FGF12: variants seen among roughly 807,000 people sequenced by gnomAD.
FGF12 encodes fibroblast growth factor 12, also known as fibroblast growth factor 12B.
Under a neutral mutation model 23.6 loss-of-function variants are expected in FGF12, and 14 were observed. The ratio of observed to expected loss-of-function variants is 0.59; its 90% CI spans 0.39 to 0.93. The LOEUF (loss-of-function observed/expected upper bound fraction) is 0.93, where lower values mean the gene tolerates loss of function less well. Ranked by LOEUF, FGF12 falls within the 40% of genes least tolerant of loss-of-function variation. The pLI is 0.00. For missense variants in FGF12, 175 were observed against 217.8 expected (o/e 0.80, Z 1.24); for synonymous variants, 62 against 77.3 (o/e 0.80, Z 1.04).
At chr3:192,458,694 C>A (rs1001299645) in intron 2 of FGF12, among the ~76,000 whole-genome samples, 2 of 152,098 alleles carry the variant, frequency 1.3e-5, no homozygotes, top group African/African-American at 4.8e-5. Flanking sequence ...AGACTTTGGA[C>A]TGTGGACTTT....
chr3:192,349,484 T>G (rs1415598189), intron 3 of FGF12, among the ~76,000 whole-genome samples: 1 of 152,060 alleles, frequency 6.6e-6, no homozygotes, highest in Admixed American at 6.6e-5. Flanking sequence ...ATGTTTAAAT[T>G]TATACTGCTG....
At chr3:192,339,110 G>A (rs1717561241) in intron 3 of FGF12, among the ~76,000 whole-genome samples, 2 of 152,134 alleles carry the variant, frequency 1.3e-5, no homozygotes, top group Admixed American at 6.5e-5. Flanking sequence ...TTTGCTTTGT[G>A]AGACTTACTA....
At chr3:192,279,760 T>C (rs147410457) in intron 4 of FGF12, among the ~76,000 whole-genome samples, 3 of 152,336 alleles carry the variant, frequency 2.0e-5, no homozygotes, top group Non-Finnish European at 4.4e-5. Flanking sequence ...ACTATCTTGC[T>C]GTGTGGCATG....
intron 4 of FGF12, among the ~76,000 whole-genome samples, chr3:192,328,113 G>T (rs1716910856): frequency 6.6e-6 from 1 of 152,184 alleles, no homozygotes; most frequent in Non-Finnish European, 1.5e-5. Context: ...GAGGGCGTGG[G>T]ACTGGAAGCA....
intron 2 of FGF12, among the ~76,000 whole-genome samples, chr3:192,677,349 T>C (rs1388095208): frequency 6.6e-6 from 1 of 152,148 alleles, no homozygotes; most frequent in South Asian, 2.1e-4. Context: ...ATCTCACCTA[T>C]ACAGATGAGT....
chr3:192,488,741 T>G (rs929487680), intron 2 of FGF12, among the ~76,000 whole-genome samples: 11 of 152,118 alleles, frequency 7.2e-5, no homozygotes, highest in African/African-American at 2.7e-4. Flanking sequence ...TAGACTAACC[T>G]GATTCCTAAG....
intron 2 of FGF12, among the ~76,000 whole-genome samples, chr3:192,586,158 AG>A (rs1450804577): frequency 6.6e-6 from 1 of 152,156 alleles, no homozygotes; most frequent in African/African-American, 2.4e-5. Context: ...GTGATTTTTC[AG>A]GGGGGTGGGG....
chr3:192,365,847 G>A (rs1305520203), intron 2 of FGF12, among the ~76,000 whole-genome samples: 2 of 151,832 alleles, frequency 1.3e-5, no homozygotes, highest in Non-Finnish European at 2.9e-5. Context: ...GGTACACGAT[G>A]GAAACCCAGA....
intron 2 of FGF12, among the ~76,000 whole-genome samples, chr3:192,633,051 GTGTT>G (rs1199133485): frequency 6.6e-6 from 1 of 151,940 alleles, no homozygotes; most frequent in East Asian, 1.9e-4. Flanking sequence ...TTGTTGTGTT[GTGTT>G]TGTTTGTTGA....
At chr3:192,425,049 T>C (rs1214145237) in intron 2 of FGF12, among the ~76,000 whole-genome samples, 1 of 152,146 alleles carries the variant, frequency 6.6e-6, no homozygotes, top group Admixed American at 6.6e-5. Flanking sequence ...TAAGAACTGG[T>C]GAAGGAGAGG....
chr3:192,614,694 T>TA (rs1714682613), intron 2 of FGF12, among the ~76,000 whole-genome samples: 1 of 151,986 alleles, frequency 6.6e-6, no homozygotes, highest in East Asian at 1.9e-4. Flanking sequence ...AGGTGTTATT[T>TA]AGTATTCTTT....
At chr3:192,684,636 T>A (rs1717666991) in intron 2 of FGF12, among the ~76,000 whole-genome samples, 1 of 152,194 alleles carries the variant, frequency 6.6e-6, no homozygotes, top group Non-Finnish European at 1.5e-5. Context: ...AGAATAGCAG[T>A]CTCTCTTTTC....
intron 2 of FGF12, among the ~76,000 whole-genome samples, chr3:192,666,326 C>T (rs1716871950): frequency 6.6e-6 from 1 of 152,126 alleles, no homozygotes; most frequent in South Asian, 2.1e-4. Flanking sequence ...TCATTTTTTG[C>T]TATCACTTTC....
chr3:192,526,238 T>C (rs1286409130), intron 2 of FGF12, among the ~76,000 whole-genome samples: 2 of 152,226 alleles, frequency 1.3e-5, no homozygotes, highest in African/African-American at 4.8e-5. Context: ...TTAGGTGCCC[T>C]TCTTTGGAGC....
chr3:192,673,496 T>C lies in FGF12; in HGVS notation c.13+53685A>G, dbSNP rs765393311. Among the ~76,000 whole-genome samples, 6 of 150,922 alleles carry C rather than the reference T, an allele frequency of 4.0e-5. 1 individual carries two copies. The highest frequency in any genetic ancestry group is 8.9e-5 in the Non-Finnish European group (6 of 67,388). On this transcript the variant is annotated intron_variant, in intron 2 of 5. Transcript: ENST00000445105. ...TACCTGTCAACCCATCACCTAGGTA[T>C]TAAGCCCCCCATGCATTAGCCATTA...
At chr3:192,150,226 G>C (rs1353193623) in intron 5 of FGF12, among the ~76,000 whole-genome samples, 1 of 86,724 alleles carries the variant, frequency 1.2e-5, no homozygotes, top group African/African-American at 4.4e-5. Flanking sequence ...CCCTTTGTCA[G>C]ATGACTAGGT....
intron 2 of FGF12, among the ~76,000 whole-genome samples, chr3:192,638,914 G>A (rs1462591250): frequency 6.6e-6 from 1 of 152,146 alleles, no homozygotes; most frequent in Non-Finnish European, 1.5e-5. Context: ...CCGAACCAAG[G>A]CAAACTGAAC....
At chr3:192,285,364 T>C (rs1001397767) in intron 4 of FGF12, among the ~76,000 whole-genome samples, 4 of 152,082 alleles carry the variant, frequency 2.6e-5, no homozygotes, top group African/African-American at 9.7e-5. Context: ...CTCTTTTCAC[T>C]ACAATCTCAA....
At chr3:192,599,282 A>AT (rs1714008759) in intron 2 of FGF12, among the ~76,000 whole-genome samples, 1 of 150,548 alleles carries the variant, frequency 6.6e-6, no homozygotes, top group Non-Finnish European at 1.5e-5. Flanking sequence ...AATAATAATA[A>AT]TAAAGACTGT....
Sources: allele counts gnomAD v4.1 joint callset (sites outside exome capture counted in the v4.1 genomes callset), GRCh38; gene constraint gnomAD v4.1.1; transcripts MANE v1.5; gene names NCBI Gene and HGNC (gene_info 2026-07-23, HGNC 2026-07-21).